Variants in LRFN5 observed in about 807,000 individuals in gnomAD.
LRFN5 encodes the protein leucine-rich repeat and fibronectin type-III domain-containing protein 5.
Under a neutral mutation model 45.6 loss-of-function variants are expected in LRFN5, and 24 were observed. The observed-to-expected ratio is 0.53, with a 90% CI of 0.38 to 0.74. The LOEUF (loss-of-function observed/expected upper bound fraction) is 0.74. LRFN5 is among the 30% of genes least tolerant of loss of function. LRFN5 has a pLI of 0.00. For missense variants in LRFN5, 776 were observed against 861.5 expected, an observed-to-expected ratio of 0.90 and a Z score of 1.24; for synonymous variants, 340 against 313.8, an observed-to-expected ratio of 1.08 and a Z score of -0.88.
At chr14:41,635,961 C>A (rs367597032) in intron 1 of LRFN5, among the ~76,000 whole-genome samples, 16 of 152,110 alleles carry the variant, frequency 1.1e-4, no homozygotes, top group Non-Finnish European at 2.1e-4. Flanking sequence ...AGGATTGGAA[C>A]ATTCTAGTCA....
chr14:41,722,967 C>T (rs1883788284), intron 1 of LRFN5, among the ~76,000 whole-genome samples: 1 of 152,180 alleles, frequency 6.6e-6, no homozygotes, highest in African/African-American at 2.4e-5. Context: ...CCACCAAGCA[C>T]CCAGAAGTGT....
intron 1 of LRFN5, among the ~76,000 whole-genome samples, chr14:41,646,179 A>G (rs1394376734): frequency 6.6e-6 from 1 of 152,150 alleles, no homozygotes; most frequent in Non-Finnish European, 1.5e-5. Flanking sequence ...TAATCATCCT[A>G]TAGTTCTATG....
chr14:41,872,205 C>T (rs1890042405), intron 2 of LRFN5, among the ~76,000 whole-genome samples: 1 of 152,148 alleles, frequency 6.6e-6, no homozygotes. Flanking sequence ...AAAAACTTCT[C>T]AATTAGTAGA....
intron 2 of LRFN5, among the ~76,000 whole-genome samples, chr14:41,871,238 C>A (rs1220148523): frequency 1.3e-5 from 2 of 151,270 alleles, no homozygotes; most frequent in African/African-American, 4.9e-5. Context: ...TAAAAATAAT[C>A]ATCAAATCAA....
rs1231133610 is a variant in LRFN5 at position 41,844,362 on chromosome 14, AG to A, written c.-20-42242del. On this transcript the variant is annotated intron_variant, in intron 2 of 5. Coordinates refer to ENST00000298119, the MANE Select transcript of LRFN5 (RefSeq NM_152447.5). ...TGAGGCAGGAGAATGGCGTGAACCC[AG>A]GAGGCAGAGCTTGCAGTGAGCGGAG... is the stretch of plus-strand genomic sequence containing the variant. Among the ~76,000 whole-genome samples the A allele has an allele frequency of 8.6e-5, 13 of 151,240 alleles. No individual in the cohort carries two copies. The South Asian group carries it at 2.7e-3, about 32-fold the overall frequency.
intron 1 of LRFN5, among the ~76,000 whole-genome samples, chr14:41,609,846 G>T (rs1887665927): frequency 6.6e-6 from 1 of 152,188 alleles, no homozygotes; most frequent in African/African-American, 2.4e-5. Flanking sequence ...TTTAGGAAGT[G>T]TAGGGGCGCT....
intron 2 of LRFN5, among the ~76,000 whole-genome samples, chr14:41,882,285 CCTCTAGGAAG>C (rs1890408023): frequency 1.3e-5 from 2 of 151,884 alleles, no homozygotes; most frequent in Admixed American, 6.6e-5. Flanking sequence ...GTGGAAATAT[CCTCTAGGAAG>C]CTCTAGGAAG....
chr14:41,898,948 C>T lies in LRFN5; in HGVS notation c.2130C>T (p.Val710=). 6.2e-7 allele frequency: 1 copy of T among 1,610,872 alleles called. No individual in the cohort carries two copies. Among genetic ancestry groups the T allele is most frequent in the Admixed American group, 1.7e-5 (1 of 59,632 alleles). The change falls in exon 5 of 6, where the codon GTC becomes GTT. Residue 710 remains valine, a synonymous_variant. Transcript: ENST00000298119. ...NALLTNVDQI[V]QETQRLELI ...TGCTGACTAATGTTGACCAGATTGTCCAGGAAACACAGGTGAGATTCTTAT... is the reference window on the plus strand; with the variant it reads ...TGCTGACTAATGTTGACCAGATTGTTCAGGAAACACAGGTGAGATTCTTAT...
intron 2 of LRFN5, among the ~76,000 whole-genome samples, chr14:41,834,785 C>A (rs1009440869): frequency 7.9e-5 from 12 of 152,010 alleles, no homozygotes; most frequent in South Asian, 2.1e-4. Flanking sequence ...ACCTCAGCCA[C>A]CTGAGTAGCT....
chr14:41,887,904 A>G lies in LRFN5; in HGVS notation c.1279A>G (p.Thr427Ala), dbSNP rs1157824606. 1.2e-6 allele frequency: 2 copies of G among 1,614,090 alleles called. No individual in the cohort carries two copies. The highest frequency in any genetic ancestry group is 1.7e-6 in the Non-Finnish European group (2 of 1,179,946). Residue 427 changes from threonine (T) to alanine (A), a missense_variant, in exon 3 of 6, where the codon ACA becomes GCA. Transcript: ENST00000298119. This position sits in a 1 kb window ranked among gnomAD's most constrained non-coding sequence, Gnocchi z 4.8. Reference sequence around the variant, plus strand: ...AGATAAAATTGTGGTGGCAGAAGCTACATCATCAACGGCACTACTTAAATT... The same window carrying G: ...AGATAAAATTGTGGTGGCAGAAGCTGCATCATCAACGGCACTACTTAAATT... ...SQDKIVVAEA[T>A]SSTALLKFNF...
Position 41,610,663 on chromosome 14 carries a change from A to AAAAACAAAAAAC in LRFN5, c.-197+2105_-197+2106insCAAAAAACAAAA, listed in dbSNP as rs1390177273. Among the ~76,000 whole-genome samples, 46 of 129,468 alleles carry AAAAACAAAAAAC rather than the reference A, an allele frequency of 3.6e-4. 1 individual carries two copies. Among genetic ancestry groups the AAAAACAAAAAAC allele is most frequent in the South Asian group, 7.6e-4 (3 of 3,950 alleles). The allele number at this position is 129,468 out of a possible 152,430, so 84.9% of individuals were successfully genotyped here. A position where few individuals can be genotyped will look rare whatever the true frequency, so the allele number is the denominator to read the frequency against. On this transcript the variant is annotated intron_variant, in intron 1 of 5. Coordinates refer to ENST00000298119, the MANE Select transcript of LRFN5 (RefSeq NM_152447.5). ...CCCCTCTGAGGTCCCAGGGAAGGTA[A>AAAAACAAAAAAC]AAAAAAAAAAAAAAAAAAAAGTGTA...
intron 1 of LRFN5, among the ~76,000 whole-genome samples, chr14:41,747,913 A>G (rs1353062950): frequency 6.6e-6 from 1 of 152,106 alleles, no homozygotes; most frequent in Non-Finnish European, 1.5e-5. Flanking sequence ...AATGCCTAGC[A>G]TCAACAGTTT....
intron 1 of LRFN5, among the ~76,000 whole-genome samples, chr14:41,761,076 A>G (rs1057444662): frequency 3.9e-5 from 6 of 152,232 alleles, no homozygotes; most frequent in African/African-American, 1.2e-4. Flanking sequence ...ATTGATTTAT[A>G]TAAAACATTT....
intron 2 of LRFN5, among the ~76,000 whole-genome samples, chr14:41,847,781 T>G (rs1435929254): frequency 6.6e-6 from 1 of 152,110 alleles, no homozygotes; most frequent in African/African-American, 2.4e-5. Context: ...AGTTATAATT[T>G]TAATGCTTTT....
intron 1 of LRFN5, among the ~76,000 whole-genome samples, chr14:41,670,256 G>C (rs377344553): frequency 2.2e-5 from 1 of 45,750 alleles, no homozygotes; most frequent in Admixed American, 3.0e-4. Flanking sequence ...CATACACACA[G>C]ATATATATAT....
At position 41,886,656 on chromosome 14, in the gene LRFN5, A is replaced by G. The variant is rs982341804; in HGVS notation, c.31A>G (p.Ile11Val). MEKILFYLFLIGIAVKAQICP... is the reference protein window; with the variant it reads MEKILFYLFLVGIAVKAQICP... ...AAAAATTCTTTTTTATCTGTTTCTC[A>G]TTGGCATAGCAGTGAAAGCTCAGAT... is the stretch of plus-strand genomic sequence containing the variant. Residue 11 changes from isoleucine (I) to valine (V), a missense_variant, in exon 3 of 6, where the codon ATT becomes GTT. Ile to Val is a conservative substitution (Grantham distance 29). Around this residue, in one of 2 missense-constraint regions of LRFN5, gnomAD observed 311 missense variants for 405.1 expected, o/e 0.77. Coordinates refer to ENST00000298119, the MANE Select transcript of LRFN5 (RefSeq NM_152447.5). The G allele has an allele frequency of 3.8e-6, 6 of 1,591,514 alleles. No individual in the cohort carries two copies. The highest frequency in any genetic ancestry group is 2.7e-5 in the African/African-American group (2 of 73,226).
At chr14:41,763,777 G>A (rs1488453036) in intron 1 of LRFN5, among the ~76,000 whole-genome samples, 1 of 152,158 alleles carries the variant, frequency 6.6e-6, no homozygotes, top group Non-Finnish European at 1.5e-5. Context: ...ATGTGGAACT[G>A]TGAGTCCATT....
intron 1 of LRFN5, among the ~76,000 whole-genome samples, chr14:41,704,621 G>T (rs55994456): frequency 0.024 from 3,676 of 151,904 alleles, 41 homozygotes; most frequent in Middle Eastern, 0.037. Flanking sequence ...ACCACACCTG[G>T]ATAGACTTAT....
At chr14:41,754,792 C>G (rs534034510) in intron 1 of LRFN5, among the ~76,000 whole-genome samples, 51 of 152,186 alleles carry the variant, frequency 3.4e-4, no homozygotes, top group African/African-American at 1.2e-3. Context: ...TTAGTTATTT[C>G]TTGCCTTCTG....
Sources: gnomAD v4.1 joint callset for allele counts (sites outside exome capture counted in the v4.1 genomes callset) on GRCh38, gnomAD v4.1.1 for gene constraint, gnomAD v4.1.1 regional missense constraint, Gnocchi (gnomAD v3.1) non-coding constraint, MANE v1.5 for transcripts, NCBI Gene and HGNC (gene_info 2026-07-23, HGNC 2026-07-21) for gene names.